Variants in PRKACB observed in about 807,000 individuals in gnomAD.
The protein encoded by PRKACB is cAMP-dependent protein kinase catalytic subunit beta.
A neutral mutation model predicts 51.4 loss-of-function variants in PRKACB; 16 were observed. The ratio of observed to expected loss-of-function variants is 0.31; its 90% CI spans 0.21 to 0.47. PRKACB has a LOEUF of 0.47. Among genes scored for constraint, PRKACB ranks in the 20% least tolerant of loss-of-function variants. PRKACB has a pLI of 1.00. For synonymous variants in PRKACB, 147 were observed against 154.4 expected, an observed-to-expected ratio of 0.95 and a Z score of 0.35; for missense variants, 309 against 464.5, an observed-to-expected ratio of 0.67 and a Z score of 3.08.
chr1:84,118,703 C>T (rs1650822763), intron 1 of PRKACB, among the ~76,000 whole-genome samples: 1 of 152,014 alleles, frequency 6.6e-6, no homozygotes, highest in South Asian at 2.1e-4. Context: ...ACCTTTGAAA[C>T]ACAGCATCAG....
At chr1:84,223,276 G>C (rs752861310) in intron 9 of PRKACB, among the ~76,000 whole-genome samples, 9 of 151,398 alleles carry the variant, frequency 5.9e-5, no homozygotes, top group Non-Finnish European at 1.2e-4. Context: ...TCTTCTCCCT[G>C]ATATAGTCTA....
At chr1:84,087,643 G>A (rs751916349) in intron 1 of PRKACB, among the ~76,000 whole-genome samples, 1 of 152,030 alleles carries the variant, frequency 6.6e-6, no homozygotes, top group Non-Finnish European at 1.5e-5. Flanking sequence ...GCAGTCCTGC[G>A]TAGCTGGGAC....
chr1:84,160,369 T>A (rs1382891920), intron 1 of PRKACB, among the ~76,000 whole-genome samples: 1 of 151,618 alleles, frequency 6.6e-6, no homozygotes, highest in Non-Finnish European at 1.5e-5. Context: ...ATAATCCTTT[T>A]AATTTATCTA....
rs1676722087 is a variant in PRKACB, at chr1:84,237,049, T to C, written c.*1744T>C. On this transcript the variant is annotated 3_prime_UTR_variant, in exon 10 of 10. Transcript: ENST00000370685. Reference sequence around the variant, plus strand: ...AAAAACCTGTCTGAGATGTTCTTTCTACCAATCTATATGTCTTTCGGTTAT... The same window carrying C: ...AAAAACCTGTCTGAGATGTTCTTTCCACCAATCTATATGTCTTTCGGTTAT... 1 of 152,242 alleles carries C rather than the reference T, an allele frequency of 6.6e-6. No individual in the cohort carries two copies. The highest frequency in any genetic ancestry group is 2.4e-5 in the African/African-American group (1 of 41,466). The allele number at this position is 152,242 out of a possible 1,614,324, so 9.4% of individuals were successfully genotyped here.
At chr1:84,087,385 G>C (rs1231397743) in intron 1 of PRKACB, among the ~76,000 whole-genome samples, 1 of 152,130 alleles carries the variant, frequency 6.6e-6, no homozygotes, top group Non-Finnish European at 1.5e-5. Flanking sequence ...GCTAGCTGTA[G>C]AACAAGTAAA....
At chr1:84,175,779 A>C (rs547382087) in intron 1 of PRKACB, 1 of 1,571,774 alleles carries the variant, frequency 6.4e-7, no homozygotes, top group Non-Finnish European at 8.6e-7. Flanking sequence ...CCTGCAAACA[A>C]ATCTTGGGTG....
chr1:84,101,503 A>AT (rs148660491), intron 1 of PRKACB, among the ~76,000 whole-genome samples: 1,950 of 152,202 alleles, frequency 0.013, 53 homozygotes, highest in African/African-American at 0.044. Context: ...TTGGTGGTTC[A>AT]TTTTCCCAAG....
chr1:84,182,387 A>G, intron 3 of PRKACB, 59 bp downstream of exon 3: 1 of 1,316,372 alleles, frequency 7.6e-7, no homozygotes, highest in Non-Finnish European at 1.0e-6. Context: ...CAGCTAGACT[A>G]TTAAACAGAT....
At chr1:84,204,775 T>G in intron 8 of PRKACB, 1 of 890,164 alleles carries the variant, frequency 1.1e-6, no homozygotes, top group Non-Finnish European at 1.4e-6. Context: ...AGAAATCCAA[T>G]TTTCTAACAA....
chr1:84,189,088 T>C (rs1306764969), intron 5 of PRKACB, among the ~76,000 whole-genome samples: 3 of 151,940 alleles, frequency 2.0e-5, no homozygotes, highest in Non-Finnish European at 4.4e-5. Context: ...ATCACCAAAA[T>C]GGTAAAGAAA....
At chr1:84,133,072 A>G (rs1255670875) in intron 1 of PRKACB, among the ~76,000 whole-genome samples, 1 of 152,118 alleles carries the variant, frequency 6.6e-6, no homozygotes, top group African/African-American at 2.4e-5. Flanking sequence ...AACCGTGCAC[A>G]TTATATTTAA....
chr1:84,155,986 G>A (rs1423487658), intron 1 of PRKACB, among the ~76,000 whole-genome samples: 1 of 151,976 alleles, frequency 6.6e-6, no homozygotes, highest in Non-Finnish European at 1.5e-5. Context: ...TGAAGAAAGA[G>A]ATGGAGATTT....
intron 8 of PRKACB, among the ~76,000 whole-genome samples, chr1:84,211,783 T>A (rs1328033889): frequency 6.6e-6 from 1 of 152,136 alleles, no homozygotes; most frequent in Non-Finnish European, 1.5e-5. Context: ...TAATCATACC[T>A]ATGTTTTGGA....
chr1:84,196,860 A>G, intron 6 of PRKACB, 118 bp downstream of exon 6: 1 of 1,117,486 alleles, frequency 8.9e-7, no homozygotes, highest in African/African-American at 1.6e-5. Flanking sequence ...TAATAGTTTA[A>G]GTAGAGCTCA....
intron 1 of PRKACB, among the ~76,000 whole-genome samples, chr1:84,171,659 T>C (rs1486479744): frequency 2.0e-5 from 3 of 151,646 alleles, no homozygotes; most frequent in Non-Finnish European, 3.0e-5. Context: ...CTGCCATTGT[T>C]TCTGTACATC....
At chr1:84,090,191 C>T (rs774929791) in intron 1 of PRKACB, among the ~76,000 whole-genome samples, 1 of 152,112 alleles carries the variant, frequency 6.6e-6, no homozygotes, top group Non-Finnish European at 1.5e-5. Flanking sequence ...TCTCTTTATA[C>T]CTCTGACTTC....
chr1:84,160,575 A>G (rs1333287743), intron 1 of PRKACB, among the ~76,000 whole-genome samples: 1 of 147,774 alleles, frequency 6.8e-6, no homozygotes, highest in Admixed American at 6.8e-5. Context: ...ATACTATAAT[A>G]TATAATAATA....
At chr1:84,157,439 TAA>T (rs772197626) in intron 1 of PRKACB, 2 of 152,170 alleles carry the variant, frequency 1.3e-5, no homozygotes. Flanking sequence ...TCACTCATTA[TAA>T]GTGTATAATT....
chr1:84,091,589 T>G, intron 1 of PRKACB, among the ~76,000 whole-genome samples: 1 of 152,092 alleles, frequency 6.6e-6, no homozygotes, highest in East Asian at 1.9e-4. Flanking sequence ...CTGCAACTGC[T>G]GCCTCCTGAT....
Sources: allele counts gnomAD v4.1 joint callset (sites outside exome capture counted in the v4.1 genomes callset), GRCh38; gene constraint gnomAD v4.1.1; transcripts MANE v1.5; gene names NCBI Gene and HGNC (gene_info 2026-07-23, HGNC 2026-07-21).